C8orf89: variants seen among roughly 807,000 people sequenced by gnomAD.
C8orf89 encodes the protein putative uncharacterized protein C8orf89.
Under a neutral mutation model 15.8 loss-of-function variants are expected in C8orf89, and 14 were observed. That is an observed-to-expected ratio of 0.89 (90% CI 0.59 to 1.39). The LOEUF (loss-of-function observed/expected upper bound fraction) is 1.39, where lower values mean the gene tolerates loss of function less well. Among genes scored for constraint, C8orf89 ranks in the 40% most tolerant of loss-of-function variants. The pLI is 0.00. For missense variants in C8orf89, 181 were observed against 184.5 expected (o/e 0.98, Z 0.11); for synonymous variants, 55 against 62.2 (o/e 0.88, Z 0.54).
chr8:73,248,969 A>G (rs1813188285), intron 3 of C8orf89, among the ~76,000 whole-genome samples: 1 of 152,164 alleles, frequency 6.6e-6, no homozygotes, highest in South Asian at 2.1e-4. Context: ...CAGAACTTCC[A>G]ATACTGTGTT....
At chr8:73,259,923 CAA>C (rs1385700291), upstream of C8orf89, among the ~76,000 whole-genome samples, 2 of 152,112 alleles carry the variant, frequency 1.3e-5, no homozygotes, top group Non-Finnish European at 2.9e-5. Flanking sequence ...AGACTACATC[CAA>C]AGAGTACAAC....
At chr8:73,269,528 C>A in the C8orf89 span, among the ~76,000 whole-genome samples, 1 of 152,178 alleles carries the variant, frequency 6.6e-6, no homozygotes, top group Non-Finnish European at 1.5e-5. Flanking sequence ...ATGGCAGATG[C>A]ACAGTGTTCT....
chr8:73,275,142 AT>A, the C8orf89 span, among the ~76,000 whole-genome samples: 1 of 151,868 alleles, frequency 6.6e-6, no homozygotes, highest in South Asian at 2.1e-4. Context: ...CCATGTACTA[AT>A]CTTAATTTAT....
the C8orf89 span, among the ~76,000 whole-genome samples, chr8:73,273,530 G>A: frequency 2.0e-5 from 3 of 152,206 alleles, no homozygotes; most frequent in Non-Finnish European, 4.4e-5. Context: ...AGGTGGGGCT[G>A]AGGGCAGCTC....
At chr8:73,247,830 C>T (rs574443663) in intron 3 of C8orf89, among the ~76,000 whole-genome samples, 2 of 152,028 alleles carry the variant, frequency 1.3e-5, no homozygotes, top group Non-Finnish European at 2.9e-5. Context: ...CTTATAGATG[C>T]TGGATATTAG....
upstream of C8orf89, among the ~76,000 whole-genome samples, chr8:73,263,754 T>C (rs1813570800): frequency 6.6e-6 from 1 of 152,040 alleles, no homozygotes; most frequent in African/African-American, 2.4e-5. Flanking sequence ...AGTCAGACAA[T>C]AGGTAAGTAA....
chr8:73,241,599 C>A lies in C8orf89; in HGVS notation c.344G>T (p.Gly115Val), dbSNP rs1474911027. ...APLWEKSKGS[G>V]FSDPLTGAPS... ...TGCTCCAGTGAGAGGATCACTGAAG[C>A]CAGAACCTGGAGGAGGAGGTGGGGA... is the stretch of plus-strand genomic sequence containing the variant. Residue 115 changes from glycine to valine, a missense_variant, in exon 4 of 4, where the codon GGC (glycine) becomes GTC (valine). Physicochemically the swap from Gly to Val is moderately radical, Grantham distance 109. Transcript: ENST00000624510. 1.3e-6 allele frequency: 2 copies of A among 1,499,332 alleles called. No homozygotes were observed. Among genetic ancestry groups the A allele is most frequent in the Non-Finnish European group, 1.8e-6 (2 of 1,127,440 alleles). 92.9% of individuals were successfully genotyped at this position (1,499,332 alleles called of 1,614,324 possible). A position where few individuals can be genotyped will look rare whatever the true frequency, so the allele number is the denominator to read the frequency against.
chr8:73,246,254 T>C (rs897217857), intron 3 of C8orf89, among the ~76,000 whole-genome samples: 9 of 152,240 alleles, frequency 5.9e-5, no homozygotes, highest in Non-Finnish European at 1.2e-4. Flanking sequence ...CAGAAACTAG[T>C]GTAGGCACTG....
At chr8:73,277,503 T>C in the C8orf89 span, 2 of 796,358 alleles carry the variant, frequency 2.5e-6, no homozygotes, top group South Asian at 1.5e-5. Context: ...CCACGAAAAC[T>C]TCCCTGAGGA....
chr8:73,281,929 A>C, the C8orf89 span, among the ~76,000 whole-genome samples: 2 of 152,226 alleles, frequency 1.3e-5, no homozygotes, highest in Admixed American at 6.5e-5. Context: ...GATTTAGACA[A>C]GAGTGAAGTG....
the C8orf89 span, among the ~76,000 whole-genome samples, chr8:73,278,953 C>A: frequency 2.2e-4 from 34 of 151,824 alleles, no homozygotes; most frequent in South Asian, 2.1e-4. Context: ...CTTTTTAATT[C>A]TCATTTTAGC....
the C8orf89 span, among the ~76,000 whole-genome samples, chr8:73,284,361 G>A: frequency 5.1e-4 from 77 of 151,722 alleles, no homozygotes; most frequent in African/African-American, 1.3e-3. Flanking sequence ...CTACAGGCAC[G>A]CGCCACCATG....
chr8:73,274,611 T>C, the C8orf89 span, among the ~76,000 whole-genome samples: 4 of 152,210 alleles, frequency 2.6e-5, no homozygotes, highest in African/African-American at 9.7e-5. Flanking sequence ...TTGCGTCCTA[T>C]GTTTTTAAGG....
chr8:73,273,817 GTCT>G, the C8orf89 span, among the ~76,000 whole-genome samples: 10 of 151,420 alleles, frequency 6.6e-5, no homozygotes, highest in Admixed American at 2.6e-4. Context: ...ACATAAGATG[GTCT>G]TCTTAATATC....
chr8:73,272,103 A>G, the C8orf89 span, among the ~76,000 whole-genome samples: 4 of 152,126 alleles, frequency 2.6e-5, no homozygotes, highest in Non-Finnish European at 4.4e-5. Context: ...GCTTGACTCA[A>G]TGCCTCTTCC....
chr8:73,274,123 A>T, the C8orf89 span, among the ~76,000 whole-genome samples: 1 of 151,874 alleles, frequency 6.6e-6, no homozygotes, highest in Non-Finnish European at 1.5e-5. Flanking sequence ...TGCTTACCTG[A>T]CACTATATTA....
chr8:73,277,813 T>C, the C8orf89 span: 1 of 720,878 alleles, frequency 1.4e-6, no homozygotes, highest in Admixed American at 1.8e-5. Context: ...CGCACAGCCA[T>C]AATCACAGGT....
At chr8:73,276,709 T>C in the C8orf89 span, among the ~76,000 whole-genome samples, 1 of 151,602 alleles carries the variant, frequency 6.6e-6, no homozygotes. Flanking sequence ...AAGTCAACCA[T>C]CAACTTTTCT....
the C8orf89 span, among the ~76,000 whole-genome samples, chr8:73,267,421 TA>T: frequency 6.6e-6 from 1 of 152,140 alleles, no homozygotes; most frequent in Non-Finnish European, 1.5e-5. Context: ...GTACAGCACT[TA>T]AAAACAAAAC....
Sources: gnomAD v4.1 joint callset for allele counts (sites outside exome capture counted in the v4.1 genomes callset) on GRCh38, gnomAD v4.1.1 for gene constraint, MANE v1.5 for transcripts, NCBI Gene and HGNC (gene_info 2026-07-23, HGNC 2026-07-21) for gene names.